The following AKT3 variants were observed in gnomAD, a reference collection of about 807,000 sequenced individuals.
AKT3 encodes AKT serine/threonine kinase 3.
Under a neutral mutation model 65.3 loss-of-function variants are expected in AKT3, and 15 were observed. The ratio of observed to expected loss-of-function variants is 0.23; its 90% CI spans 0.15 to 0.35. The LOEUF (loss-of-function observed/expected upper bound fraction) is 0.35. Ranked by LOEUF, AKT3 falls within the 10% of genes least tolerant of loss-of-function variation. The probability of loss-of-function intolerance (pLI) is 1.00; values close to 1 mark genes in which losing one functional copy is unlikely to be tolerated. For missense variants in AKT3, 243 were observed against 576.5 expected (o/e 0.42, Z 5.92); for synonymous variants, 206 against 183.8 (o/e 1.12, Z -0.98).
intron 8 of AKT3, among the ~76,000 whole-genome samples, chr1:243,577,997 C>T (rs1675067524): frequency 6.6e-6 from 1 of 152,166 alleles, no homozygotes. Flanking sequence ...GCATCTCACA[C>T]TAGTCAGAAT....
At chr1:243,721,133 A>T (rs1686870880) in intron 2 of AKT3, among the ~76,000 whole-genome samples, 1 of 152,178 alleles carries the variant, frequency 6.6e-6, no homozygotes, top group South Asian at 2.1e-4. Flanking sequence ...AAAGCCAGCC[A>T]TAAAAACTAC....
chr1:243,637,855 A>G lies in AKT3; in HGVS notation c.430-113T>C, dbSNP rs1027102749. 3 of 635,390 alleles carry G rather than the reference A, an allele frequency of 4.7e-6. No individual in the cohort carries two copies. In the African/African-American group the frequency reaches 5.7e-5, roughly 12 times the overall value. The allele number at this position is 635,390 out of a possible 1,614,324, so 39.4% of individuals were successfully genotyped here. On this transcript the variant is annotated intron_variant, in intron 5 of 13. Transcript: ENST00000673466. ...CAAAACCAAATTTTACCAATTTATA[A>G]GCACATTTAAATGAAAAAGAATCAG...
intron 5 of AKT3, among the ~76,000 whole-genome samples, chr1:243,639,310 G>C (rs890426831): frequency 6.6e-6 from 1 of 152,138 alleles, no homozygotes; most frequent in Admixed American, 6.5e-5. Flanking sequence ...ATTTAAACAA[G>C]AAATGACACC....
intron 12 of AKT3, among the ~76,000 whole-genome samples, chr1:243,532,040 T>C (rs939627451): frequency 5.3e-5 from 8 of 152,364 alleles, no homozygotes; most frequent in African/African-American, 1.9e-4. Context: ...TTTCTACATA[T>C]AAGATCATGT....
intron 3 of AKT3, among the ~76,000 whole-genome samples, chr1:243,695,138 TTAAC>T (rs1684979333): frequency 1.3e-5 from 2 of 152,040 alleles, no homozygotes; most frequent in Admixed American, 1.3e-4. Flanking sequence ...GAAGAAAAAT[TTAAC>T]TACGAACATA....
intron 2 of AKT3, among the ~76,000 whole-genome samples, chr1:243,707,345 G>T (rs891235705): frequency 1.6e-4 from 24 of 152,158 alleles, no homozygotes; most frequent in African/African-American, 5.5e-4. Flanking sequence ...TATTCACTTT[G>T]CTTATGTCCT....
At chr1:243,738,610 A>G (rs575597837) in intron 2 of AKT3, among the ~76,000 whole-genome samples, 2 of 152,230 alleles carry the variant, frequency 1.3e-5, no homozygotes, top group African/African-American at 4.8e-5. Context: ...TTATGTGCTC[A>G]AAAGTATACA....
At chr1:243,673,216 G>C (rs796573137) in intron 3 of AKT3, among the ~76,000 whole-genome samples, 1 of 152,070 alleles carries the variant, frequency 6.6e-6, no homozygotes, top group Non-Finnish European at 1.5e-5. Context: ...CATATTTCTT[G>C]ATTTACTTTC....
intron 9 of AKT3, among the ~76,000 whole-genome samples, chr1:243,572,388 A>G (rs1296140637): frequency 6.6e-6 from 1 of 152,208 alleles, no homozygotes; most frequent in Non-Finnish European, 1.5e-5. Context: ...AAGTTTGCCA[A>G]TCCTGAGCTA....
At chr1:243,669,486 G>T (rs887744648) in intron 3 of AKT3, among the ~76,000 whole-genome samples, 2 of 152,118 alleles carry the variant, frequency 1.3e-5, no homozygotes, top group Non-Finnish European at 2.9e-5. Flanking sequence ...TAAGATAATG[G>T]ACTCTGCAAT....
chr1:243,791,945 T>C (rs1011363496), intron 2 of AKT3, among the ~76,000 whole-genome samples: 1 of 152,210 alleles, frequency 6.6e-6, no homozygotes, highest in African/African-American at 2.4e-5. Context: ...TTTTAGCAAA[T>C]TTAGTTAGGT....
intron 8 of AKT3, among the ~76,000 whole-genome samples, chr1:243,604,401 G>C (rs772434438): frequency 6.6e-6 from 1 of 152,016 alleles, no homozygotes; most frequent in Non-Finnish European, 1.5e-5. Flanking sequence ...GTCTTAATGT[G>C]ATTCTGACTA....
chr1:243,775,397 G>C (rs748221945), intron 2 of AKT3, among the ~76,000 whole-genome samples: 3 of 152,140 alleles, frequency 2.0e-5, no homozygotes, highest in Non-Finnish European at 4.4e-5. Flanking sequence ...AGCCAGGATG[G>C]TCTCAATCTC....
chr1:243,846,650 G>T (rs895142726), intron 1 of AKT3, among the ~76,000 whole-genome samples: 11 of 152,018 alleles, frequency 7.2e-5, no homozygotes, highest in Non-Finnish European at 1.3e-4. Flanking sequence ...ATTTAATTTG[G>T]CATTTTAAAC....
intron 5 of AKT3, among the ~76,000 whole-genome samples, chr1:243,645,338 C>T (rs1475858403): frequency 6.6e-6 from 1 of 151,988 alleles, no homozygotes; most frequent in African/African-American, 2.4e-5. Flanking sequence ...ATTTATATTG[C>T]TCATAAAAAT....
chr1:243,533,071 T>C (rs1671654294), intron 12 of AKT3, among the ~76,000 whole-genome samples: 1 of 152,210 alleles, frequency 6.6e-6, no homozygotes, highest in Non-Finnish European at 1.5e-5. Flanking sequence ...TTTTGTCAGT[T>C]TTGCTGATTT....
At position 243,736,840 on chromosome 1, in the gene AKT3, A is replaced by G. The variant is rs544988650; in HGVS notation, c.47-41124T>C. ...AGATGTATGCCACCCCTATATTGCTATTTTCTTTCCACCTTCCCAACAGAT... is the reference window on the plus strand; with the variant it reads ...AGATGTATGCCACCCCTATATTGCTGTTTTCTTTCCACCTTCCCAACAGAT... On this transcript the variant is annotated intron_variant, in intron 2 of 13. Coordinates refer to ENST00000673466, the MANE Select transcript of AKT3 (RefSeq NM_005465.7). 8.5e-5 allele frequency among the ~76,000 whole-genome samples: 13 copies of G among 152,226 alleles called. No individual in the cohort carries two copies. The East Asian group carries it at 2.5e-3, about 29-fold the overall frequency.
intron 12 of AKT3, among the ~76,000 whole-genome samples, chr1:243,528,400 T>C (rs1671300797): frequency 6.6e-6 from 1 of 152,190 alleles, no homozygotes; most frequent in Non-Finnish European, 1.5e-5. Flanking sequence ...GGGGGTTTGG[T>C]GTACATGTCA....
rs145896278 is a variant in AKT3, at chr1:243,587,343, G to T, written c.697-14295C>A. ...ATAAAAATATACGCTGGGTACAGTG[G>T]CTCACGCCTGTAATCCTAGCACTTT... On this transcript the variant is annotated intron_variant, in intron 8 of 13. Transcript: ENST00000673466. Among the ~76,000 whole-genome samples the T allele has an allele frequency of 3.1e-3, 474 of 152,276 alleles. 2 individuals are homozygous for T. Among genetic ancestry groups the T allele is most frequent in the Non-Finnish European group, 5.0e-3 (340 of 68,026 alleles).
Sources: allele counts gnomAD v4.1 joint callset (sites outside exome capture counted in the v4.1 genomes callset), GRCh38; gene constraint gnomAD v4.1.1; transcripts MANE v1.5; gene names NCBI Gene and HGNC (gene_info 2026-07-23, HGNC 2026-07-21).